The following GNG8 variants were observed in gnomAD, a reference collection of about 807,000 sequenced individuals.
GNG8 encodes guanine nucleotide-binding protein G(I)/G(S)/G(O) subunit gamma-8.
GNG8 carries 3 observed loss-of-function variants against 4.6 expected under a neutral mutation model. That is an observed-to-expected ratio of 0.65 (90% CI 0.29 to 1.67). The LOEUF (loss-of-function observed/expected upper bound fraction) is 1.67, where lower values mean the gene tolerates loss of function less well. Among genes scored for constraint, GNG8 ranks in the 40% most tolerant of loss-of-function variants. The pLI is 0.10. For synonymous variants in GNG8, 32 were observed against 40.5 expected (o/e 0.79, Z 0.80); for missense variants, 88 against 95.2 (o/e 0.92, Z 0.32).
intron 1 of GNG8, 24 bp from the exon 2 acceptor site, chr19:46,634,749 T>C: frequency 7.4e-7 from 1 of 1,346,528 alleles, no homozygotes; most frequent in Non-Finnish European, 1.1e-6. Flanking sequence ...TTAGGATACG[T>C]CTGGGTCCCG....
rs1035799492 is a variant in GNG8, at chr19:46,634,325, C to T, written c.85-121G>A. On this transcript the variant is annotated intron_variant, in intron 2 of 2. Coordinates refer to ENST00000693335, the MANE Select transcript of GNG8 (RefSeq NM_033258.2). ...TGCCCCGCCCCATACAGGCCTTTCC[C>T]CTTGTCTTACTCCGCCCCCTCGTCC... The T allele has an allele frequency of 6.6e-6, 8 of 1,204,540 alleles. No individual in the cohort carries two copies. The South Asian group carries it at 1.2e-4, about 19-fold the overall frequency. The allele number at this position is 1,204,540 out of a possible 1,614,324, so 74.6% of individuals were successfully genotyped here.
chr19:46,635,038 C>T (rs185649135), intron 1 of GNG8, among the ~76,000 whole-genome samples: 123 of 152,032 alleles, frequency 8.1e-4, no homozygotes, highest in African/African-American at 2.8e-3. Flanking sequence ...GGGGGCAGAG[C>T]GAGAGCCAGG....
At chr19:46,635,352 C>T (rs1305971961) in intron 1 of GNG8, among the ~76,000 whole-genome samples, 2 of 148,140 alleles carry the variant, frequency 1.4e-5, no homozygotes, top group Non-Finnish European at 3.0e-5. Flanking sequence ...GAGACTGAGG[C>T]ACGGGAGAAA....
At chr19:46,638,725 T>TGAGG (rs1240894131), upstream of GNG8, 1 of 152,338 alleles carries the variant, frequency 6.6e-6, no homozygotes, top group Non-Finnish European at 1.5e-5. This position sits in a 1 kb window ranked among gnomAD's most constrained non-coding sequence, Gnocchi z 4.7. Context: ...GCCGGCCACA[T>TGAGG]GAGGGCGCGC....
intron 1 of GNG8, among the ~76,000 whole-genome samples, chr19:46,635,245 G>A (rs2122393339): frequency 6.6e-6 from 1 of 151,882 alleles, no homozygotes; most frequent in East Asian, 2.0e-4. Flanking sequence ...CAGGGCAGAG[G>A]GCTGGGGGAG....
At chr19:46,634,255 C>G in intron 2 of GNG8, 51 bp from the exon 3 acceptor site, 2 of 1,555,934 alleles carry the variant, frequency 1.3e-6, no homozygotes, top group Non-Finnish European at 1.7e-6. Flanking sequence ...TCCTTGGAGC[C>G]GCCCACTTAG....
In GNG8 at chr19:46,633,972, A is replaced by G; in HGVS notation, c.*104T>C. ...CACAGCTTCCCCTACGGTGGCCCCA[A>G]GCTCTGTGCGTGCCTCAGTCTCCCT... is the stretch of plus-strand genomic sequence containing the variant. On this transcript the variant is annotated 3_prime_UTR_variant, in exon 3 of 3. Transcript: ENST00000693335. 2 of 1,373,850 alleles carry G rather than the reference A, an allele frequency of 1.5e-6. No individual in the cohort carries two copies. Among genetic ancestry groups the G allele is most frequent in the Non-Finnish European group, 2.0e-6 (2 of 1,000,996 alleles). 85.1% of individuals were successfully genotyped at this position (1,373,850 alleles called of 1,614,324 possible).
chr19:46,633,959 T>C lies in GNG8; in HGVS notation c.*117A>G. 1.6e-6 allele frequency: 2 copies of C among 1,230,032 alleles called. No individual in the cohort carries two copies. Among genetic ancestry groups the C allele is most frequent in the South Asian group, 2.9e-5 (2 of 68,564 alleles). The allele number at this position is 1,230,032 out of a possible 1,614,324, so 76.2% of individuals were successfully genotyped here. A position where few individuals can be genotyped will look rare whatever the true frequency, so the allele number is the denominator to read the frequency against. On this transcript the variant is annotated 3_prime_UTR_variant, in exon 3 of 3. Coordinates refer to ENST00000693335, the MANE Select transcript of GNG8 (RefSeq NM_033258.2). ...GAATGAGAACGGACACAGCTTCCCC[T>C]ACGGTGGCCCCAAGCTCTGTGCGTG... is the stretch of plus-strand genomic sequence containing the variant.
rs1035966948 is a variant in GNG8, at chr19:46,636,129, G to A, written c.-44+18C>T. ...AGGCAAAGGGACCAGCTGTGGGGCCGGGACCGGAGCTTCCTACCTGTTGCT... is the reference window on the plus strand; with the variant it reads ...AGGCAAAGGGACCAGCTGTGGGGCCAGGACCGGAGCTTCCTACCTGTTGCT... On this transcript the variant is annotated intron_variant, in intron 1 of 2. Coordinates refer to ENST00000693335, the MANE Select transcript of GNG8 (RefSeq NM_033258.2). 2.6e-5 allele frequency among the ~76,000 whole-genome samples: 4 copies of A among 152,094 alleles called. No individual in the cohort carries two copies. Among genetic ancestry groups the A allele is most frequent in the African/African-American group, 9.7e-5 (4 of 41,376 alleles).
At chr19:46,636,464 C>G (rs566127848), upstream of GNG8, among the ~76,000 whole-genome samples, 14 of 152,310 alleles carry the variant, frequency 9.2e-5, no homozygotes, top group South Asian at 4.1e-4. Context: ...TACATTTAAT[C>G]CACAGTCACA....
intron 1 of GNG8, among the ~76,000 whole-genome samples, chr19:46,635,233 G>A (rs2052858025): frequency 1.3e-5 from 2 of 151,848 alleles, no homozygotes; most frequent in Non-Finnish European, 2.9e-5. Context: ...CTCATTAGCA[G>A]CCAGGGCAGA....
At chr19:46,635,297 A>G (rs1355802456) in intron 1 of GNG8, among the ~76,000 whole-genome samples, 1 of 151,358 alleles carries the variant, frequency 6.6e-6, no homozygotes, top group Non-Finnish European at 1.5e-5. Context: ...GGATGGACAG[A>G]GGGACAACGG....
At position 46,634,142 on chromosome 19, in the gene GNG8, C is replaced by T. The variant is rs750008739; in HGVS notation, c.147G>A (p.Leu49=). Residue 49 remains leucine (L), a synonymous_variant, in exon 3 of 3, where the codon CTG becomes CTA. Coordinates refer to ENST00000693335, the MANE Select transcript of GNG8 (RefSeq NM_033258.2). The stretch of plus-strand genomic sequence containing the variant: ...TCTCCGCGGCGGGTACTGGCGTCAC[C>T]AGCGGGTCATCTTTGGCATGCGTCT... ...FCETHAKDDP[L]VTPVPAAENP... 9 of 1,613,618 alleles carry T rather than the reference C, an allele frequency of 5.6e-6. No individual in the cohort carries two copies. The highest frequency in any genetic ancestry group is 1.6e-4 in the Middle Eastern group (1 of 6,084).
chr19:46,633,981 C>T lies in GNG8; in HGVS notation c.*95G>A, dbSNP rs1207251693. 3 of 1,419,756 alleles carry T rather than the reference C, an allele frequency of 2.1e-6. No homozygotes were observed. Among genetic ancestry groups the T allele is most frequent in the South Asian group, 1.3e-5 (1 of 75,006 alleles). 87.9% of individuals were successfully genotyped at this position (1,419,756 alleles called of 1,614,324 possible). ...CCCTACGGTGGCCCCAAGCTCTGTGCGTGCCTCAGTCTCCCTGAAAGCACA... is the reference window on the plus strand; with the variant it reads ...CCCTACGGTGGCCCCAAGCTCTGTGTGTGCCTCAGTCTCCCTGAAAGCACA... On this transcript the variant is annotated 3_prime_UTR_variant, in exon 3 of 3. Transcript: ENST00000693335.
upstream of GNG8, among the ~76,000 whole-genome samples, chr19:46,636,387 ACT>A (rs1028333633): frequency 1.5e-4 from 23 of 148,794 alleles, no homozygotes; most frequent in African/African-American, 5.5e-4. Flanking sequence ...CTATTGTGTG[ACT>A]CTCTCTGTGC....
Position 46,636,147 on chromosome 19 carries a change from C to T in GNG8, c.-44G>A, listed in dbSNP as rs2052867020. 1.3e-5 allele frequency among the ~76,000 whole-genome samples: 2 copies of T among 152,078 alleles called. No homozygotes were observed. The highest frequency in any genetic ancestry group is 4.8e-5 in the African/African-American group (2 of 41,388). ...TGGGGCCGGGACCGGAGCTTCCTAC[C>T]TGTTGCTGCTCTGGGCCGGGCTCGC... On this transcript the variant is annotated splice_region_variant and 5_prime_UTR_variant, in exon 1 of 3. Coordinates refer to ENST00000693335, the MANE Select transcript of GNG8 (RefSeq NM_033258.2).
chr19:46,637,016 T>C (rs991390754), upstream of GNG8: 1 of 152,190 alleles, frequency 6.6e-6, no homozygotes, highest in Non-Finnish European at 1.5e-5. Flanking sequence ...GGTCTTGAAC[T>C]CCTGACCTCA....
intron 1 of GNG8, among the ~76,000 whole-genome samples, 119 bp from the exon 2 acceptor site, chr19:46,634,844 A>T (rs1295546731): frequency 1.3e-5 from 2 of 150,466 alleles, no homozygotes; most frequent in African/African-American, 4.9e-5. Flanking sequence ...TGGTGGAGGG[A>T]GGGACAGATG....
In GNG8 at chr19:46,634,074, G is replaced by T; in HGVS notation, c.*2C>A. The T allele has an allele frequency of 6.2e-7, 1 of 1,612,684 alleles. No individual in the cohort carries two copies. Among genetic ancestry groups the T allele is most frequent in the Non-Finnish European group, 8.5e-7 (1 of 1,179,248 alleles). ...CAGGGGAGGGTAAGCTGTCCGGAGG[G>T]CTCAGAGCAGAACACAAAAGAGGCG... On this transcript the variant is annotated 3_prime_UTR_variant, in exon 3 of 3. Transcript: ENST00000693335.
Sources: gnomAD v4.1 joint callset for allele counts (sites outside exome capture counted in the v4.1 genomes callset) on GRCh38, gnomAD v4.1.1 for gene constraint, Gnocchi (gnomAD v3.1) non-coding constraint, MANE v1.5 for transcripts, NCBI Gene and HGNC (gene_info 2026-07-23, HGNC 2026-07-21) for gene names.